Variants in RPIA observed in about 807,000 individuals in gnomAD.
RPIA encodes the protein ribose-5-phosphate isomerase.
Under a neutral mutation model 37.8 loss-of-function variants are expected in RPIA, and 29 were observed. The ratio of observed to expected loss-of-function variants is 0.77; its 90% CI spans 0.57 to 1.05. RPIA has a LOEUF of 1.05. Ranked by LOEUF, RPIA falls within the 50% of genes least tolerant of loss-of-function variation. The pLI, the probability that RPIA is intolerant of heterozygous loss-of-function variation, is 0.00. For synonymous variants in RPIA, 167 were observed against 157.0 expected (o/e 1.06, Z -0.48); for missense variants, 385 against 413.6 (o/e 0.93, Z 0.60).
At chr2:88,697,036 T>A (rs1325032654) in intron 1 of RPIA, among the ~76,000 whole-genome samples, 1 of 152,244 alleles carries the variant, frequency 6.6e-6, no homozygotes, top group African/African-American at 2.4e-5. Flanking sequence ...CTGTTAATAA[T>A]TGTGTCTCAC....
chr2:88,728,174 A>C (rs904393272), intron 3 of RPIA, among the ~76,000 whole-genome samples: 1 of 152,208 alleles, frequency 6.6e-6, no homozygotes, highest in Non-Finnish European at 1.5e-5. Context: ...AACATCAATA[A>C]TTTTTAATAA....
chr2:88,743,122 CAG>C (rs1457518576), intron 8 of RPIA, among the ~76,000 whole-genome samples: 3 of 152,234 alleles, frequency 2.0e-5, no homozygotes, highest in South Asian at 2.1e-4. Context: ...TTCCAGTTCT[CAG>C]GGGGAATGCT....
In RPIA at chr2:88,691,794, C is replaced by T; in HGVS notation, c.96C>T (p.Asn32=). The T allele has an allele frequency of 6.3e-7, 1 of 1,594,304 alleles. No homozygotes were observed. The highest frequency in any genetic ancestry group is 8.5e-7 in the Non-Finnish European group (1 of 1,173,220). ...GCGCGGCCTCCGGCGGAGGAGGGAA[C>T]AGCTGGGACCTCCCGGGTTCCCACG... The part of the protein sequence containing the change: ...AGGAASGGGG[N]SWDLPGSHVR... The change falls in exon 1 of 9, where the codon AAC becomes AAT. Residue 32 remains asparagine (N), a synonymous_variant. Transcript: ENST00000283646.
intron 3 of RPIA, among the ~76,000 whole-genome samples, chr2:88,706,340 T>C (rs1287754305): frequency 1.3e-5 from 2 of 152,104 alleles, no homozygotes; most frequent in Non-Finnish European, 2.9e-5. Context: ...GAAGAAAATA[T>C]GGTACATATG....
At chr2:88,700,529 G>T (rs929064780) in intron 3 of RPIA, among the ~76,000 whole-genome samples, 2 of 152,186 alleles carry the variant, frequency 1.3e-5, no homozygotes, top group Non-Finnish European at 2.9e-5. Context: ...GCTTGTACCT[G>T]TAGTTCCAAC....
At chr2:88,707,103 G>T (rs973538033) in intron 3 of RPIA, among the ~76,000 whole-genome samples, 1 of 152,228 alleles carries the variant, frequency 6.6e-6, no homozygotes, top group South Asian at 2.1e-4. Flanking sequence ...AGCATGGTCA[G>T]TAAACCTTGT....
In RPIA at chr2:88,734,765, A is replaced by C; in HGVS notation, c.527+149A>C. 3 of 842,356 alleles carry C rather than the reference A, an allele frequency of 3.6e-6. No individual in the cohort carries two copies. The Admixed American group carries it at 6.0e-5, about 17-fold the overall frequency. The allele number at this position is 842,356 out of a possible 1,614,324, so 52.2% of individuals were successfully genotyped here. A position where few individuals can be genotyped will look rare whatever the true frequency, so the allele number is the denominator to read the frequency against. On this transcript the variant is annotated intron_variant, in intron 5 of 8. Coordinates refer to ENST00000283646, the MANE Select transcript of RPIA (RefSeq NM_144563.3). ...ATTGATAGCATATGGCCTTAGACCC[A>C]ACTCAGCATTTCTGGTCATTAGCAG... is the stretch of plus-strand genomic sequence containing the variant.
chr2:88,726,459 C>G (rs1452421451), intron 3 of RPIA, among the ~76,000 whole-genome samples: 2 of 151,890 alleles, frequency 1.3e-5, no homozygotes, highest in East Asian at 3.9e-4. Flanking sequence ...CCCAGGGAAA[C>G]CAAAAGGCTG....
chr2:88,738,374 G>A (rs537678177), intron 8 of RPIA, among the ~76,000 whole-genome samples: 16 of 152,166 alleles, frequency 1.1e-4, no homozygotes, highest in Non-Finnish European at 2.4e-4. Flanking sequence ...TAAGGCCATC[G>A]TCTCTGGGTA....
chr2:88,704,654 A>C (rs1672876214), intron 3 of RPIA, among the ~76,000 whole-genome samples: 1 of 152,178 alleles, frequency 6.6e-6, no homozygotes, highest in South Asian at 2.1e-4. Context: ...TATATTGAGC[A>C]GGGTATAGAA....
chr2:88,720,501 C>T (rs1390247902), intron 3 of RPIA, among the ~76,000 whole-genome samples: 1 of 151,628 alleles, frequency 6.6e-6, no homozygotes, highest in African/African-American at 2.4e-5. Flanking sequence ...TATTACTTTG[C>T]TCCTTTTAAA....
At chr2:88,692,484 C>T (rs1260382867) in intron 1 of RPIA, among the ~76,000 whole-genome samples, 1 of 152,112 alleles carries the variant, frequency 6.6e-6, no homozygotes, top group East Asian at 1.9e-4. Flanking sequence ...GAAGGGAAGA[C>T]CCGGGGCTTC....
chr2:88,701,407 C>T (rs1035087037), intron 3 of RPIA, among the ~76,000 whole-genome samples: 2 of 151,950 alleles, frequency 1.3e-5, no homozygotes, highest in African/African-American at 2.4e-5. Context: ...TAATAAATTA[C>T]ATTGGTGTTT....
chr2:88,707,835 C>G (rs1232042187), intron 3 of RPIA, among the ~76,000 whole-genome samples: 1 of 152,174 alleles, frequency 6.6e-6, no homozygotes, highest in East Asian at 1.9e-4. Flanking sequence ...TTAAAAATTG[C>G]CAGACCAGGC....
At chr2:88,706,642 A>G (rs747166937) in intron 3 of RPIA, among the ~76,000 whole-genome samples, 1 of 152,004 alleles carries the variant, frequency 6.6e-6, no homozygotes, top group African/African-American at 2.4e-5. Context: ...GATGCAGCAA[A>G]CCACCATGGC....
intron 3 of RPIA, 147 bp from the exon 4 acceptor site, chr2:88,729,131 C>T (rs1216532734): frequency 2.5e-6 from 2 of 800,716 alleles, no homozygotes; most frequent in African/African-American, 3.4e-5. Context: ...ATTCATGGGG[C>T]TAGATCTCCT....
intron 3 of RPIA, among the ~76,000 whole-genome samples, chr2:88,704,186 A>G (rs1672870852): frequency 1.3e-5 from 2 of 152,224 alleles, no homozygotes; most frequent in Admixed American, 6.5e-5. Context: ...CCTGTTACCC[A>G]GTTCTAAAGT....
chr2:88,723,697 T>C (rs1198571201), intron 3 of RPIA, among the ~76,000 whole-genome samples: 10 of 151,962 alleles, frequency 6.6e-5, no homozygotes, highest in Non-Finnish European at 1.5e-5. Flanking sequence ...CTGAGACAGG[T>C]TTCAGGTAAT....
At chr2:88,737,832 A>AT in intron 7 of RPIA, 145 bp from the exon 8 acceptor site, 1 of 666,134 alleles carries the variant, frequency 1.5e-6, no homozygotes, top group Non-Finnish European at 2.8e-6. Flanking sequence ...GCTCCTGCTT[A>AT]TTACCACTTC....
Sources: gnomAD v4.1 joint callset for allele counts (sites outside exome capture counted in the v4.1 genomes callset) on GRCh38, gnomAD v4.1.1 for gene constraint, MANE v1.5 for transcripts, NCBI Gene and HGNC (gene_info 2026-07-23, HGNC 2026-07-21) for gene names.